The following GKAP1 variants were observed in gnomAD, a reference collection of about 807,000 sequenced individuals.
GKAP1 encodes G kinase anchoring protein 1.
Under a neutral mutation model 56.7 loss-of-function variants are expected in GKAP1, and 31 were observed. That is an observed-to-expected ratio of 0.55 (90% CI 0.41 to 0.74). The LOEUF is 0.74. Among genes scored for constraint, GKAP1 ranks in the 30% least tolerant of loss-of-function variants. GKAP1 has a pLI of 0.00. For missense variants in GKAP1, 364 were observed against 402.3 expected (o/e 0.90, Z 0.82); for synonymous variants, 151 against 138.6 (o/e 1.09, Z -0.63).
chr9:83,793,964 C>T (rs1440519568), intron 4 of GKAP1, among the ~76,000 whole-genome samples: 1 of 152,012 alleles, frequency 6.6e-6, no homozygotes, highest in Admixed American at 6.6e-5. Context: ...ACCAGGAGTT[C>T]AAGACCAGCC....
At chr9:83,788,728 G>T in intron 4 of GKAP1, 50 bp from the exon 5 acceptor site, 1 of 1,111,068 alleles carries the variant, frequency 9.0e-7, no homozygotes, top group South Asian at 1.3e-5. Context: ...TACATCACAT[G>T]AGCAAAATAA....
chr9:83,781,462 T>C (rs1441085609), intron 6 of GKAP1, among the ~76,000 whole-genome samples: 2 of 152,234 alleles, frequency 1.3e-5, no homozygotes, highest in Non-Finnish European at 2.9e-5. Context: ...AAATTTTCTA[T>C]TCTCAAGGAC....
intron 6 of GKAP1, among the ~76,000 whole-genome samples, chr9:83,784,331 A>C (rs1392077003): frequency 1.3e-5 from 2 of 149,790 alleles, no homozygotes; most frequent in Non-Finnish European, 3.0e-5. Context: ...TAGGATCTTC[A>C]ACAGGTAATT....
Position 83,774,062 on chromosome 9 carries a change from G to T in GKAP1, c.586-5092C>A, listed in dbSNP as rs11140245. ...TTTTTCTATCTTTAGTAGAGACGGG[G>T]TTTCACCACATTGGCCAGGCTGGTC... On this transcript the variant is annotated intron_variant, in intron 7 of 12. Transcript: ENST00000376371. Among the ~76,000 whole-genome samples the T allele has an allele frequency of 6.1e-3, 927 of 151,982 alleles. 4 individuals are homozygous for T. Among genetic ancestry groups the T allele is most frequent in the Non-Finnish European group, 9.3e-3 (630 of 67,974 alleles).
chr9:83,762,927 A>G (rs1438535998), intron 8 of GKAP1, among the ~76,000 whole-genome samples: 4 of 152,184 alleles, frequency 2.6e-5, no homozygotes, highest in Non-Finnish European at 5.9e-5. Flanking sequence ...TGATCCAACA[A>G]TCCTGCTGGG....
At chr9:83,747,966 T>G (rs1442737149) in intron 10 of GKAP1, among the ~76,000 whole-genome samples, 1 of 152,174 alleles carries the variant, frequency 6.6e-6, no homozygotes, top group Non-Finnish European at 1.5e-5. Flanking sequence ...CTGGGAAACC[T>G]TTCTACTTTG....
intron 4 of GKAP1, among the ~76,000 whole-genome samples, chr9:83,797,740 C>A (rs894669360): frequency 5.9e-5 from 9 of 152,200 alleles, no homozygotes; most frequent in Admixed American, 2.0e-4. Context: ...AAAAGGCAAT[C>A]AGATATCTGT....
At chr9:83,745,348 C>A (rs146320987) in intron 10 of GKAP1, among the ~76,000 whole-genome samples, 33 of 152,190 alleles carry the variant, frequency 2.2e-4, no homozygotes, top group Middle Eastern at 3.4e-3. Flanking sequence ...TGTGATTTTG[C>A]AGAGACTAGT....
chr9:83,766,648 A>G (rs1259808824), intron 8 of GKAP1, among the ~76,000 whole-genome samples: 1 of 152,246 alleles, frequency 6.6e-6, no homozygotes, highest in Non-Finnish European at 1.5e-5. Context: ...AAACAAAGCG[A>G]TAACATCCAT....
intron 7 of GKAP1, among the ~76,000 whole-genome samples, chr9:83,775,541 C>G (rs1026837760): frequency 2.0e-5 from 3 of 151,956 alleles, no homozygotes; most frequent in Admixed American, 1.3e-4. Flanking sequence ...ATGACAGAGC[C>G]TTGGCAGATG....
At chr9:83,784,381 T>C (rs1944028626) in intron 6 of GKAP1, among the ~76,000 whole-genome samples, 1 of 152,214 alleles carries the variant, frequency 6.6e-6, no homozygotes. Flanking sequence ...GGATTGGTTA[T>C]AAAAGGGCAA....
At chr9:83,752,832 A>G (rs1318599728) in intron 9 of GKAP1, among the ~76,000 whole-genome samples, 1 of 152,104 alleles carries the variant, frequency 6.6e-6, no homozygotes, top group African/African-American at 2.4e-5. Context: ...GCACTTTGGG[A>G]GGCTGGGGTG....
intron 11 of GKAP1, 96 bp from the exon 12 acceptor site, chr9:83,742,125 A>T: frequency 2.7e-6 from 2 of 729,762 alleles, no homozygotes; most frequent in Non-Finnish European, 4.7e-6. Context: ...TTGACAGCTA[A>T]ATGGATGAGT....
chr9:83,811,506 G>A (rs1182274753), intron 2 of GKAP1, among the ~76,000 whole-genome samples: 1 of 152,166 alleles, frequency 6.6e-6, no homozygotes, highest in Non-Finnish European at 1.5e-5. Flanking sequence ...CAAACAGAAA[G>A]TATTATGACA....
chr9:83,803,901 C>A (rs1165139998), intron 3 of GKAP1, among the ~76,000 whole-genome samples: 2 of 146,952 alleles, frequency 1.4e-5, no homozygotes, highest in African/African-American at 5.1e-5. Context: ...GCCTCTGCCC[C>A]GCCGCCCCGT....
At chr9:83,787,941 A>G (rs1944091353) in intron 5 of GKAP1, among the ~76,000 whole-genome samples, 1 of 152,208 alleles carries the variant, frequency 6.6e-6, no homozygotes, top group South Asian at 2.1e-4. Flanking sequence ...GTAATAGCCC[A>G]TATTAAAATT....
rs932750837 is a variant in GKAP1 at position 83,744,885 on chromosome 9, G to C, written c.905-2285C>G. On this transcript the variant is annotated intron_variant, in intron 10 of 12. Coordinates refer to ENST00000376371, the MANE Select transcript of GKAP1 (RefSeq NM_025211.4). ...GAGAGAGAATAAGTGCTGAGCAAAGGGGGAAGCCTCTTATAACACCATCAG... is the reference window on the plus strand; with the variant it reads ...GAGAGAGAATAAGTGCTGAGCAAAGCGGGAAGCCTCTTATAACACCATCAG... Among the ~76,000 whole-genome samples, 8 of 152,270 alleles carry C rather than the reference G, an allele frequency of 5.3e-5. No individual in the cohort carries two copies. In the East Asian group the frequency reaches 1.5e-3, roughly 29 times the overall value.
chr9:83,796,397 T>C (rs577642460), intron 4 of GKAP1, among the ~76,000 whole-genome samples: 1 of 152,240 alleles, frequency 6.6e-6, no homozygotes. Context: ...CTTTAGTAGA[T>C]ACTCTGGTCC....
chr9:83,752,998 T>C (rs1237887384), intron 9 of GKAP1, among the ~76,000 whole-genome samples: 3 of 151,846 alleles, frequency 2.0e-5, no homozygotes, highest in Non-Finnish European at 4.4e-5. Context: ...AGGCGGAGGT[T>C]GCACCGAGCT....
Sources: allele counts gnomAD v4.1 joint callset (sites outside exome capture counted in the v4.1 genomes callset), GRCh38; gene constraint gnomAD v4.1.1; transcripts MANE v1.5; gene names NCBI Gene and HGNC (gene_info 2026-07-23, HGNC 2026-07-21).